RBM19: variants seen among roughly 807,000 people sequenced by gnomAD.
RBM19 encodes probable RNA-binding protein 19.
RBM19 carries 94 observed loss-of-function variants against 116.8 expected under a neutral mutation model. That is an observed-to-expected ratio of 0.80 (90% CI 0.68 to 0.95). The LOEUF (loss-of-function observed/expected upper bound fraction) is 0.95, where lower values mean the gene tolerates loss of function less well. Among genes scored for constraint, RBM19 ranks in the 40% least tolerant of loss-of-function variants. The pLI is 0.00. For synonymous variants in RBM19, 475 were observed against 494.1 expected (o/e 0.96, Z 0.51); for missense variants, 1,161 against 1,220.7 (o/e 0.95, Z 0.73).
chr12:113,888,813 T>C (rs1278173338), intron 21 of RBM19, among the ~76,000 whole-genome samples: 1 of 152,248 alleles, frequency 6.6e-6, no homozygotes, highest in Non-Finnish European at 1.5e-5. Context: ...CATGGGACTA[T>C]TGTGAGGACC....
At chr12:113,925,526 A>C (rs946891533) in intron 17 of RBM19, among the ~76,000 whole-genome samples, 1 of 152,186 alleles carries the variant, frequency 6.6e-6, no homozygotes, top group African/African-American at 2.4e-5. Flanking sequence ...CATCATTAGC[A>C]AGGGGCAAAG....
chr12:113,945,755 C>T (rs1870953690), intron 13 of RBM19, 73 bp downstream of exon 13: 1 of 1,303,106 alleles, frequency 7.7e-7, no homozygotes, highest in Non-Finnish European at 1.1e-6. Context: ...AACAGCAGTA[C>T]AACGAGCCTC....
intron 21 of RBM19, among the ~76,000 whole-genome samples, chr12:113,911,716 G>T (rs1311097889): frequency 6.6e-6 from 1 of 152,150 alleles, no homozygotes; most frequent in Non-Finnish European, 1.5e-5. Flanking sequence ...TCTTCACTGA[G>T]AAACAGAGAC....
At chr12:113,963,743 G>T (rs1421024100) in intron 1 of RBM19, among the ~76,000 whole-genome samples, 3 of 152,124 alleles carry the variant, frequency 2.0e-5, no homozygotes, top group Non-Finnish European at 4.4e-5. Context: ...TGACTTTCTG[G>T]CACCAAAGTC....
chr12:113,963,104 T>C (rs969802870), intron 1 of RBM19, among the ~76,000 whole-genome samples: 1 of 152,170 alleles, frequency 6.6e-6, no homozygotes, highest in Non-Finnish European at 1.5e-5. Flanking sequence ...GGGACAGATA[T>C]TCCCACAGAG....
intron 21 of RBM19, among the ~76,000 whole-genome samples, chr12:113,883,538 A>C (rs998583495): frequency 2.6e-5 from 4 of 152,268 alleles, no homozygotes; most frequent in African/African-American, 7.2e-5. Context: ...ACTGACTCCA[A>C]ATTCTCAATC....
chr12:113,819,603 C>A (rs920934364), downstream of RBM19, among the ~76,000 whole-genome samples: 2 of 152,196 alleles, frequency 1.3e-5, no homozygotes, highest in African/African-American at 2.4e-5. Context: ...TGTCTACCAA[C>A]GTCCCATCAT....
intron 10 of RBM19, among the ~76,000 whole-genome samples, chr12:113,947,932 A>G (rs1195994483): frequency 2.0e-5 from 3 of 152,172 alleles, no homozygotes; most frequent in African/African-American, 4.8e-5. Flanking sequence ...CATTTGCAAT[A>G]TATCGACAAA....
At chr12:113,914,942 C>A (rs768838155) in intron 21 of RBM19, 27 bp downstream of exon 21, 2 of 1,591,068 alleles carry the variant, frequency 1.3e-6, no homozygotes, top group Admixed American at 1.7e-5. Context: ...ACACGCCAGT[C>A]CCCTGGACTA....
At position 113,936,987 on chromosome 12, in the gene RBM19, G is replaced by A; in HGVS notation, c.2068+20C>T. ...CTCACCAGGATCCCAAGCCATCCTGGTCTCAGACTCAGCTCTTACCTGTTT... is the reference window on the plus strand; with the variant it reads ...CTCACCAGGATCCCAAGCCATCCTGATCTCAGACTCAGCTCTTACCTGTTT... On this transcript the variant is annotated intron_variant, in intron 16 of 23. Coordinates refer to ENST00000261741, the MANE Select transcript of RBM19 (RefSeq NM_016196.4). 3.7e-6 allele frequency: 6 copies of A among 1,611,982 alleles called. No individual in the cohort carries two copies. The highest frequency in any genetic ancestry group is 4.2e-6 in the Non-Finnish European group (5 of 1,179,270).
chr12:113,934,158 G>C (rs140544256), intron 16 of RBM19, among the ~76,000 whole-genome samples: 14 of 152,306 alleles, frequency 9.2e-5, no homozygotes, highest in African/African-American at 3.4e-4. Flanking sequence ...TTGCCATGCT[G>C]TCCAGGCTTG....
At chr12:113,834,076 A>C (rs1364416026) in intron 23 of RBM19, among the ~76,000 whole-genome samples, 1 of 151,912 alleles carries the variant, frequency 6.6e-6, no homozygotes, top group Non-Finnish European at 1.5e-5. Flanking sequence ...CCACCGCAGG[A>C]CTTGGTATCA....
At chr12:113,932,413 T>C (rs773610244) in intron 16 of RBM19, among the ~76,000 whole-genome samples, 2 of 152,166 alleles carry the variant, frequency 1.3e-5, no homozygotes, top group African/African-American at 2.4e-5. Flanking sequence ...GGGGAAAATG[T>C]TGGAAATCCC....
intron 23 of RBM19, among the ~76,000 whole-genome samples, chr12:113,832,166 T>C (rs903246682): frequency 6.6e-5 from 10 of 151,626 alleles, no homozygotes; most frequent in Non-Finnish European, 1.3e-4. Flanking sequence ...CACACTACCC[T>C]GAACACAAAA....
At chr12:113,868,369 G>T (rs905936636) in intron 21 of RBM19, among the ~76,000 whole-genome samples, 3 of 150,162 alleles carry the variant, frequency 2.0e-5, no homozygotes, top group Non-Finnish European at 4.5e-5. Context: ...GAGTCCTCGG[G>T]CAGAGAATTT....
At chr12:113,960,006 A>C (rs1486514489) in intron 3 of RBM19, 53 bp downstream of exon 3, 1 of 1,613,878 alleles carries the variant, frequency 6.2e-7, no homozygotes, top group Non-Finnish European at 8.5e-7. Flanking sequence ...ACCAAAAGTG[A>C]GTGACTACCC....
intron 10 of RBM19, 100 bp downstream of exon 10, chr12:113,948,733 G>C: frequency 8.5e-7 from 1 of 1,183,166 alleles, no homozygotes; most frequent in Non-Finnish European, 1.2e-6. Context: ...CAAGAGATGT[G>C]GAGTCGTGTG....
At chr12:113,886,161 G>A (rs1210306877) in intron 21 of RBM19, among the ~76,000 whole-genome samples, 1 of 152,012 alleles carries the variant, frequency 6.6e-6, no homozygotes, top group Non-Finnish European at 1.5e-5. Flanking sequence ...GTGAGCCACC[G>A]CCATTCTGTT....
intron 21 of RBM19, among the ~76,000 whole-genome samples, chr12:113,860,027 A>G (rs1367064396): frequency 6.6e-6 from 1 of 152,246 alleles, no homozygotes; most frequent in Non-Finnish European, 1.5e-5. Flanking sequence ...GACAGTGTGT[A>G]AATGCGGCAT....
Sources: allele counts gnomAD v4.1 joint callset (sites outside exome capture counted in the v4.1 genomes callset), GRCh38; gene constraint gnomAD v4.1.1; transcripts MANE v1.5; gene names NCBI Gene and HGNC (gene_info 2026-07-23, HGNC 2026-07-21).